The following TPM1 variants were observed in gnomAD, a reference collection of about 807,000 sequenced individuals.
The protein encoded by TPM1 is tropomyosin alpha-1 chain.
In TPM1, 24 loss-of-function variants were observed where a neutral mutation model predicts 42.9. That is an observed-to-expected ratio of 0.56 (90% CI 0.41 to 0.79). The LOEUF is 0.79. Ranked by LOEUF, TPM1 falls within the 30% of genes least tolerant of loss-of-function variation. The pLI is 0.00. For missense variants in TPM1, 158 were observed against 351.8 expected (o/e 0.45, Z 4.41); for synonymous variants, 136 against 130.1 (o/e 1.05, Z -0.31).
chr15:63,060,691 C>T (rs1413905367), intron 4 of TPM1, among the ~76,000 whole-genome samples, 178 bp from the exon 5 acceptor site: 4 of 151,966 alleles, frequency 2.6e-5, no homozygotes, highest in Non-Finnish European at 5.9e-5. Flanking sequence ...CCTCTGATCT[C>T]CTCTCTGCTG....
Position 63,048,486 on chromosome 15 carries a change from GGCA to G in TPM1, c.240+4337_240+4339del, listed in dbSNP as rs1479864096. The G allele has an allele frequency of 3.5e-6, 5 of 1,436,150 alleles. No individual in the cohort carries two copies. The African/African-American group carries it at 7.5e-5, about 22-fold the overall frequency. 89.0% of individuals were successfully genotyped at this position (1,436,150 alleles called of 1,614,324 possible). On this transcript the variant is annotated intron_variant, in intron 2 of 9. Coordinates refer to ENST00000403994, the MANE Select transcript of TPM1 (RefSeq NM_001018005.2). The stretch of plus-strand genomic sequence containing the variant: ...GCCTGGGCGGGGCGGACCGGCGCTG[GGCA>G]GCCAGGACAGCCGCGGCAGCCGGGT...
rs878854150 is a variant in TPM1 at position 63,042,880 on chromosome 15, C to T, written c.51C>T (p.Asn17=). 2 of 1,613,318 alleles carry T rather than the reference C, an allele frequency of 1.2e-6. No individual in the cohort carries two copies. The highest frequency in any genetic ancestry group is 1.1e-5 in the South Asian group (1 of 91,048). ...AGATGCTGAAGCTCGACAAGGAGAA[C>T]GCCTTGGATCGAGCTGAGCAGGCGG... ...KMQMLKLDKE[N]ALDRAEQAEA... The change falls in exon 1 of 10, where the codon AAC becomes AAT. Residue 17 remains asparagine (N), a synonymous_variant. Coordinates refer to ENST00000403994, the MANE Select transcript of TPM1 (RefSeq NM_001018005.2).
At chr15:63,054,230 C>A (rs1254444157) in intron 2 of TPM1, among the ~76,000 whole-genome samples, 2 of 152,116 alleles carry the variant, frequency 1.3e-5, no homozygotes, top group African/African-American at 4.8e-5. Context: ...GCTGGGGCAC[C>A]CTGTATGAAG....
chr15:63,062,702 A>G (rs1361034653), intron 8 of TPM1, 57 bp downstream of exon 8: 3 of 1,613,608 alleles, frequency 1.9e-6, no homozygotes, highest in African/African-American at 2.7e-5. Flanking sequence ...CCAACCTGGC[A>G]AAACAATTTT....
chr15:63,068,098 C>T (rs73440424), downstream of TPM1, among the ~76,000 whole-genome samples: 3,383 of 152,296 alleles, frequency 0.022, 143 homozygotes, highest in African/African-American at 0.077. Flanking sequence ...CCACCCATGG[C>T]GACACTTCCT....
intron 5 of TPM1, 194 bp from the exon 6 acceptor site, chr15:63,061,519 C>T (rs2035623338): frequency 2.8e-6 from 2 of 725,554 alleles, no homozygotes; most frequent in African/African-American, 1.8e-5. Flanking sequence ...GGTCACCCTG[C>T]CTTCTGCTGT....
chr15:63,053,008 G>A (rs1378312398), intron 2 of TPM1, among the ~76,000 whole-genome samples: 1 of 152,096 alleles, frequency 6.6e-6, no homozygotes, highest in Non-Finnish European at 1.5e-5. Context: ...ATAAAGATAG[G>A]TGTACCTCAG....
In TPM1 at chr15:63,042,957, C is replaced by T. The variant is rs576659891; in HGVS notation, c.114+14C>T. On this transcript the variant is annotated intron_variant, in intron 1 of 9. Coordinates refer to ENST00000403994, the MANE Select transcript of TPM1 (RefSeq NM_001018005.2). Reference sequence around the variant, plus strand: ...AGGAGCAAGCAGGTCTGCGCCTCCCCGGCCCTGCGCCCGCGCCCAGAGCGC... The same window carrying T: ...AGGAGCAAGCAGGTCTGCGCCTCCCTGGCCCTGCGCCCGCGCCCAGAGCGC... The T allele has an allele frequency of 1.9e-4, 293 of 1,578,508 alleles. No individual in the cohort carries two copies. Among genetic ancestry groups the T allele is most frequent in the Non-Finnish European group, 2.5e-4 (286 of 1,161,748 alleles).
intron 2 of TPM1, chr15:63,045,259 T>A (rs2032140113): frequency 6.6e-6 from 1 of 152,162 alleles, no homozygotes; most frequent in Non-Finnish European, 1.5e-5. Context: ...GCTTGAGATG[T>A]ATATCCAGGT....
At chr15:63,043,837 C>T (rs1463848222) in intron 1 of TPM1, 190 bp from the exon 2 acceptor site, 2 of 1,548,448 alleles carry the variant, frequency 1.3e-6, no homozygotes, top group Non-Finnish European at 8.7e-7. Context: ...CCAAGGTACC[C>T]GGGGCGCGCG....
Position 63,057,256 on chromosome 15 carries a change from A to C in TPM1, c.374+138A>C, listed in dbSNP as rs16946383. The stretch of plus-strand genomic sequence containing the variant: ...CATTTCCTCTATTGATCCCAGGTAT[A>C]ACTCGGTTGGTTTTGTTCATTTAGC... On this transcript the variant is annotated intron_variant, in intron 3 of 9. Coordinates refer to ENST00000403994, the MANE Select transcript of TPM1 (RefSeq NM_001018005.2). The C allele has an allele frequency of 3.1e-3, 3,913 of 1,250,474 alleles. 73 individuals carry two copies. The African/African-American group carries it at 0.047, about 15-fold the overall frequency. The allele number at this position is 1,250,474 out of a possible 1,614,324, so 77.5% of individuals were successfully genotyped here. A position where few individuals can be genotyped will look rare whatever the true frequency, so the allele number is the denominator to read the frequency against.
At chr15:63,068,523 C>T (rs1181060534), downstream of TPM1, among the ~76,000 whole-genome samples, 1 of 152,196 alleles carries the variant, frequency 6.6e-6, no homozygotes, top group Non-Finnish European at 1.5e-5. Context: ...TCCTGACAGA[C>T]CCGGGGGCTG....
At chr15:63,062,879 C>T in intron 8 of TPM1, 1 of 1,507,654 alleles carries the variant, frequency 6.6e-7, no homozygotes, top group Non-Finnish European at 8.8e-7. Flanking sequence ...TCCAGCTTGA[C>T]TTCATGCTCA....
chr15:63,070,780 T>C (rs1037091026), downstream of TPM1: 1 of 1,194,476 alleles, frequency 8.4e-7, no homozygotes, highest in Non-Finnish European at 1.0e-6. Flanking sequence ...GGTTTTTACC[T>C]CTCCCTGTTC....
chr15:63,066,993 A>AT (rs200185260), downstream of TPM1, among the ~76,000 whole-genome samples: 20 of 151,970 alleles, frequency 1.3e-4, no homozygotes, highest in Middle Eastern at 3.2e-3. Context: ...CAATTAAGTG[A>AT]TTTTTTTAAA....
intron 6 of TPM1, 58 bp downstream of exon 6, chr15:63,061,846 C>A: frequency 6.7e-7 from 1 of 1,502,700 alleles, no homozygotes; most frequent in Non-Finnish European, 9.2e-7. Context: ...TCAAAAGAGG[C>A]CCTGCCAGAA....
At chr15:63,066,289 C>A, downstream of TPM1, 3 of 824,290 alleles carry the variant, frequency 3.6e-6, no homozygotes, top group Non-Finnish European at 4.7e-6. Flanking sequence ...AAAAAAATAC[C>A]CAGGCCTGCA....
rs750192930 is a variant in TPM1 at position 63,062,891 on chromosome 15, T to TC, written c.772+246_772+247insC. 77 of 1,488,530 alleles carry TC rather than the reference T, an allele frequency of 5.2e-5. No individual in the cohort carries two copies. In the East Asian group the frequency reaches 1.3e-3, roughly 25 times the overall value. The allele number at this position is 1,488,530 out of a possible 1,614,324, so 92.2% of individuals were successfully genotyped here. A position where few individuals can be genotyped will look rare whatever the true frequency, so the allele number is the denominator to read the frequency against. On this transcript the variant is annotated intron_variant, in intron 8 of 9. Coordinates refer to ENST00000403994, the MANE Select transcript of TPM1 (RefSeq NM_001018005.2). ...CCATCCAGCTTGACTTCATGCTCAT[T>TC]ACAAGTGTGGCAGGTTTATTTTTCA...
chr15:63,065,872 T>A, intron 9 of TPM1, 24 bp from the exon 10 acceptor site: 1 of 1,601,686 alleles, frequency 6.2e-7, no homozygotes. Flanking sequence ...TTTTTTTTCC[T>A]CCCACCTTTT....
Sources: allele counts gnomAD v4.1 joint callset (sites outside exome capture counted in the v4.1 genomes callset), GRCh38; gene constraint gnomAD v4.1.1; transcripts MANE v1.5; gene names NCBI Gene and HGNC (gene_info 2026-07-23, HGNC 2026-07-21).